SDAD1: variants seen among roughly 807,000 people sequenced by gnomAD.
SDAD1 encodes the protein protein SDA1 homolog.
Under a neutral mutation model 100.3 loss-of-function variants are expected in SDAD1, and 79 were observed. That is an observed-to-expected ratio of 0.79 (90% CI 0.66 to 0.95). The LOEUF (loss-of-function observed/expected upper bound fraction) is 0.95. SDAD1 is among the 40% of genes least tolerant of loss of function. The pLI is 0.00. For missense variants in SDAD1, 790 were observed against 810.9 expected (o/e 0.97, Z 0.31); for synonymous variants, 267 against 271.4 (o/e 0.98, Z 0.16).
chr4:75,984,024 A>C (rs1323903332), intron 1 of SDAD1, among the ~76,000 whole-genome samples: 1 of 151,888 alleles, frequency 6.6e-6, no homozygotes, highest in African/African-American at 2.4e-5. Context: ...AGTTTTCCCA[A>C]CACGTTTTAT....
chr4:75,970,253 A>G, intron 10 of SDAD1, 56 bp downstream of exon 10: 1 of 1,415,664 alleles, frequency 7.1e-7, no homozygotes, highest in Admixed American at 1.8e-5. Flanking sequence ...CAAAGGCAGG[A>G]AATAAAATAG....
intron 1 of SDAD1, among the ~76,000 whole-genome samples, chr4:75,988,910 C>T (rs533910057): frequency 6.6e-6 from 1 of 152,164 alleles, no homozygotes; most frequent in African/African-American, 2.4e-5. Flanking sequence ...CCAATGACAC[C>T]ACAATCCCTT....
chr4:75,967,486 G>A (rs1296616084), intron 11 of SDAD1, 152 bp from the exon 12 acceptor site: 2 of 660,004 alleles, frequency 3.0e-6, no homozygotes, highest in South Asian at 3.7e-5. Flanking sequence ...GATTCAATAT[G>A]CTATATTAAC....
chr4:75,954,239 AGGCGTGGTGGCGGGC>A (rs1728762263), intron 21 of SDAD1, among the ~76,000 whole-genome samples: 1 of 152,066 alleles, frequency 6.6e-6, no homozygotes, highest in Non-Finnish European at 1.5e-5. Context: ...AAAATTAGCC[AGGCGTGGTGGCGGGC>A]ACCTGTAGTC....
In SDAD1 at chr4:75,957,325, C is replaced by T. The variant is rs201742414; in HGVS notation, c.1854G>A (p.Met618Ile). 8.7e-5 allele frequency: 140 copies of T among 1,612,766 alleles called. No individual in the cohort carries two copies. The highest frequency in any genetic ancestry group is 1.2e-4 in the Non-Finnish European group (138 of 1,179,132). Residue 618 changes from methionine to isoleucine, a missense_variant and splice_region_variant, in exon 20 of 22, where the codon ATG becomes ATA. Coordinates refer to ENST00000356260, the MANE Select transcript of SDAD1 (RefSeq NM_018115.4). Reference sequence around the variant, plus strand: ...AACTAGGAATGATATGCTCACTCACCATTGCAGTTGCTAGTCTTGTCTCTT... The same window carrying T: ...AACTAGGAATGATATGCTCACTCACTATTGCAGTTGCTAGTCTTGTCTCTT... ...SDKETRLATA[M>I]AGKTDRKEFV...
chr4:75,967,519 T>G (rs910802576), intron 11 of SDAD1, among the ~76,000 whole-genome samples, 185 bp from the exon 12 acceptor site: 1 of 152,174 alleles, frequency 6.6e-6, no homozygotes, highest in Non-Finnish European at 1.5e-5. Flanking sequence ...TTCTCTCAAA[T>G]GAGGCTATGC....
At chr4:75,959,116 A>AAAAAC (rs1729081737) in intron 17 of SDAD1, among the ~76,000 whole-genome samples, 1 of 145,370 alleles carries the variant, frequency 6.9e-6, no homozygotes, top group African/African-American at 2.6e-5. Context: ...AAAAAAAAAA[A>AAAAAC]AAAAAAAAAA....
At chr4:75,984,453 C>T (rs944098280) in intron 1 of SDAD1, among the ~76,000 whole-genome samples, 4 of 152,158 alleles carry the variant, frequency 2.6e-5, no homozygotes, top group African/African-American at 4.8e-5. Flanking sequence ...AGGTGTGAGC[C>T]ATAGCACCTG....
intron 14 of SDAD1, among the ~76,000 whole-genome samples, chr4:75,963,275 T>C (rs1270377728): frequency 4.6e-5 from 7 of 151,986 alleles, no homozygotes; most frequent in African/African-American, 1.5e-4. Context: ...ACCAGTACCA[T>C]GCTGTTTTGG....
intron 3 of SDAD1, among the ~76,000 whole-genome samples, chr4:75,980,508 GTC>G (rs1730439869): frequency 1.3e-5 from 2 of 152,220 alleles, no homozygotes; most frequent in African/African-American, 4.8e-5. Flanking sequence ...ATTTGGAAAT[GTC>G]TTAGTCCCTA....
chr4:75,956,242 G>C, intron 20 of SDAD1, 106 bp from the exon 21 acceptor site: 1 of 1,233,090 alleles, frequency 8.1e-7, no homozygotes, highest in Non-Finnish European at 1.1e-6. Flanking sequence ...TAGGTGCCAA[G>C]GGCACAGAAT....
In SDAD1 at chr4:75,959,097, CAAAAAAAAAAAA is replaced by C. The variant is rs61245198; in HGVS notation, c.1483+957_1483+968del. ...TGGGCGACACAGCAAGACTCTGTCT[CAAAAAAAAAAAA>C]AAAAAAAAAAAAAAAAAAACCTAAA... On this transcript the variant is annotated intron_variant, in intron 17 of 21. Transcript: ENST00000356260. 4.3e-3 allele frequency among the ~76,000 whole-genome samples: 235 copies of C among 54,976 alleles called. 2 individuals are homozygous for C. The highest frequency in any genetic ancestry group is 0.018 in the African/African-American group (219 of 12,228). The allele number at this position is 54,976 out of a possible 152,430, so 36.1% of individuals were successfully genotyped here. A position where few individuals can be genotyped will look rare whatever the true frequency, so the allele number is the denominator to read the frequency against.
chr4:75,961,014 T>C lies in SDAD1; in HGVS notation c.1356+14A>G, dbSNP rs374533146. The C allele has an allele frequency of 6.2e-6, 10 of 1,610,312 alleles. No homozygotes were observed. Among genetic ancestry groups the C allele is most frequent in the African/African-American group, 1.3e-5 (1 of 74,850 alleles). On this transcript the variant is annotated intron_variant, in intron 16 of 21. Coordinates refer to ENST00000356260, the MANE Select transcript of SDAD1 (RefSeq NM_018115.4). The stretch of plus-strand genomic sequence containing the variant: ...ACCATAACCTTTAGACCAACATAAG[T>C]GTGCTTTACCTACCCGGAATTTCTT...
At chr4:75,975,666 G>C (rs1302865672) in intron 6 of SDAD1, 78 bp downstream of exon 6, 3 of 961,620 alleles carry the variant, frequency 3.1e-6, no homozygotes, top group Non-Finnish European at 4.8e-6. Context: ...CTCAAGAAAA[G>C]TATTTGTATA....
rs113689623 is a variant in SDAD1 at position 75,969,245 on chromosome 4, G to A, written c.987+51C>T. The A allele has an allele frequency of 4.2e-6, 6 of 1,445,660 alleles. No individual in the cohort carries two copies. The African/African-American group carries it at 7.0e-5, about 17-fold the overall frequency. The allele number at this position is 1,445,660 out of a possible 1,614,324, so 89.6% of individuals were successfully genotyped here. A position where few individuals can be genotyped will look rare whatever the true frequency, so the allele number is the denominator to read the frequency against. ...TACCTAATGGCTTTTCTTTTACCAT[G>A]GTAAATTCTACTTCAAATATTCACC... On this transcript the variant is annotated intron_variant, in intron 11 of 21. Transcript: ENST00000356260.
chr4:75,968,979 C>T (rs927637160), intron 11 of SDAD1, among the ~76,000 whole-genome samples: 5 of 141,884 alleles, frequency 3.5e-5, no homozygotes, highest in Non-Finnish European at 4.5e-5. Context: ...TGCAGTGAGC[C>T]GAGATTGCGC....
chr4:75,956,683 A>G (rs922474042), intron 20 of SDAD1, among the ~76,000 whole-genome samples: 27 of 152,206 alleles, frequency 1.8e-4, no homozygotes, highest in Admixed American at 1.2e-3. Context: ...TGGTGACTGT[A>G]AACACATTCC....
At chr4:75,968,522 C>A in intron 11 of SDAD1, among the ~76,000 whole-genome samples, 1 of 151,978 alleles carries the variant, frequency 6.6e-6, no homozygotes, top group Non-Finnish European at 1.5e-5. Flanking sequence ...GGCATCTAGT[C>A]TAACAGTATG....
chr4:75,976,828 T>C (rs1403885544), intron 4 of SDAD1, among the ~76,000 whole-genome samples: 4 of 152,222 alleles, frequency 2.6e-5, no homozygotes, highest in Admixed American at 6.5e-5. Flanking sequence ...GCCCACACCA[T>C]GCTCCCATGG....
Sources: allele counts gnomAD v4.1 joint callset (sites outside exome capture counted in the v4.1 genomes callset), GRCh38; gene constraint gnomAD v4.1.1; transcripts MANE v1.5; gene names NCBI Gene and HGNC (gene_info 2026-07-23, HGNC 2026-07-21).